TTC28: variants seen among roughly 807,000 people sequenced by gnomAD.
The protein encoded by TTC28 is tetratricopeptide repeat protein 28.
Under a neutral mutation model 198.0 loss-of-function variants are expected in TTC28, and 61 were observed. The ratio of observed to expected loss-of-function variants is 0.31; its 90% CI spans 0.25 to 0.38. The LOEUF is 0.38. TTC28 is among the 10% of genes least tolerant of loss of function. The probability of loss-of-function intolerance (pLI) is 1.00; values close to 1 mark genes in which losing one functional copy is unlikely to be tolerated. For synonymous variants in TTC28, 1,171 were observed against 1,297.8 expected (o/e 0.90, Z 2.10); for missense variants, 2,678 against 3,164.0 (o/e 0.85, Z 3.69).
intron 2 of TTC28, among the ~76,000 whole-genome samples, chr22:28,475,103 T>C (rs550173958): frequency 8.3e-5 from 11 of 131,878 alleles, no homozygotes; most frequent in African/African-American, 2.7e-4. Flanking sequence ...TGAGCCAAGA[T>C]TGTGCCACTG....
chr22:28,561,355 C>T (rs1012810533), intron 2 of TTC28, among the ~76,000 whole-genome samples: 3 of 152,252 alleles, frequency 2.0e-5, no homozygotes, highest in Middle Eastern at 3.4e-3. Context: ...GGATTACAGG[C>T]GTGAGACACC....
chr22:28,389,810 T>C (rs895372088), intron 2 of TTC28, among the ~76,000 whole-genome samples: 16 of 150,532 alleles, frequency 1.1e-4, no homozygotes, highest in Non-Finnish European at 2.2e-4. Context: ...GATTCATTAA[T>C]TTTTTGAAGG....
chr22:28,380,336 AACAG>A (rs1325770400), intron 2 of TTC28, among the ~76,000 whole-genome samples: 2 of 152,168 alleles, frequency 1.3e-5, no homozygotes, highest in African/African-American at 4.8e-5. Context: ...TAATAAGGGC[AACAG>A]ACAATGCTGG....
At chr22:28,262,370 G>C (rs1440269035) in intron 5 of TTC28, among the ~76,000 whole-genome samples, 1 of 152,110 alleles carries the variant, frequency 6.6e-6, no homozygotes, top group Non-Finnish European at 1.5e-5. Context: ...CTTTATGCAA[G>C]CAATAGTTCG....
At chr22:28,213,564 A>G (rs1362368121) in intron 5 of TTC28, among the ~76,000 whole-genome samples, 1 of 107,766 alleles carries the variant, frequency 9.3e-6, no homozygotes, top group Non-Finnish European at 1.9e-5. Flanking sequence ...TAGGAATCCA[A>G]CTTACAAGGG....
intron 6 of TTC28, among the ~76,000 whole-genome samples, chr22:28,120,887 A>G (rs1942766739): frequency 6.6e-6 from 1 of 152,174 alleles, no homozygotes; most frequent in Admixed American, 6.5e-5. Context: ...AAACTCTATG[A>G]TTGTGTGAAG....
At chr22:28,360,143 CT>C (rs2046136759) in intron 2 of TTC28, among the ~76,000 whole-genome samples, 1 of 152,092 alleles carries the variant, frequency 6.6e-6, no homozygotes, top group African/African-American at 2.4e-5. Context: ...CTCTCTCCTC[CT>C]TTTGTCTTTA....
intron 6 of TTC28, among the ~76,000 whole-genome samples, chr22:28,150,416 T>C (rs958960657): frequency 2.0e-5 from 3 of 152,190 alleles, no homozygotes; most frequent in African/African-American, 7.2e-5. Flanking sequence ...TCCAAATGTC[T>C]ACCTAAAAGA....
chr22:28,608,791 A>G (rs1295185859), intron 2 of TTC28, among the ~76,000 whole-genome samples: 2 of 152,164 alleles, frequency 1.3e-5, no homozygotes, highest in Non-Finnish European at 2.9e-5. Context: ...CATTTAAGGA[A>G]TCTCTATCAA....
intron 14 of TTC28, among the ~76,000 whole-genome samples, chr22:28,012,493 C>A (rs1006032844): frequency 3.3e-5 from 5 of 152,100 alleles, no homozygotes; most frequent in Non-Finnish European, 7.4e-5. Context: ...ACTGCTGCTG[C>A]TGCCTCAGGG....
At chr22:28,040,222 C>A (rs957156388) in intron 12 of TTC28, among the ~76,000 whole-genome samples, 1 of 152,176 alleles carries the variant, frequency 6.6e-6, no homozygotes, top group African/African-American at 2.4e-5. Context: ...AGGGAATCCT[C>A]CCTAACTCAT....
chr22:28,645,611 A>G (rs2051449548), intron 1 of TTC28, among the ~76,000 whole-genome samples: 1 of 149,726 alleles, frequency 6.7e-6, no homozygotes, highest in Non-Finnish European at 1.5e-5. Context: ...TGGGCAACAG[A>G]GCGAGACTAC....
chr22:28,355,198 A>G (rs2046057010), intron 2 of TTC28, among the ~76,000 whole-genome samples: 1 of 152,176 alleles, frequency 6.6e-6, no homozygotes, highest in Admixed American at 6.5e-5. Flanking sequence ...GATGATCCAC[A>G]GAGGTTAAAA....
intron 5 of TTC28, among the ~76,000 whole-genome samples, chr22:28,250,226 T>C (rs1427766367): frequency 1.3e-5 from 2 of 152,246 alleles, no homozygotes; most frequent in Non-Finnish European, 2.9e-5. Flanking sequence ...TTACTCACGC[T>C]GACCACTTCA....
intron 2 of TTC28, among the ~76,000 whole-genome samples, chr22:28,598,661 A>G (rs1445574508): frequency 6.6e-6 from 1 of 152,198 alleles, no homozygotes; most frequent in African/African-American, 2.4e-5. Context: ...ATATGGCAAC[A>G]ATTTATGTCA....
At chr22:28,349,647 C>T (rs927903494) in intron 2 of TTC28, among the ~76,000 whole-genome samples, 6 of 152,168 alleles carry the variant, frequency 3.9e-5, no homozygotes, top group African/African-American at 1.4e-4. Context: ...TTTCCTCTTA[C>T]ACAAAATAGA....
intron 1 of TTC28, among the ~76,000 whole-genome samples, chr22:28,679,250 C>T (rs1490629517): frequency 6.6e-6 from 1 of 152,218 alleles, no homozygotes. Flanking sequence ...CCTGTCTCAC[C>T]GCGGGTGCCG....
At chr22:28,309,216 CAG>C (rs1359400518) in intron 2 of TTC28, among the ~76,000 whole-genome samples, 1 of 152,130 alleles carries the variant, frequency 6.6e-6, no homozygotes, top group Non-Finnish European at 1.5e-5. Flanking sequence ...TATAGACTAA[CAG>C]AATACAAGAG....
chr22:28,163,616 A>G lies in TTC28; in HGVS notation c.934-17T>C. On this transcript the variant is annotated splice_polypyrimidine_tract_variant and intron_variant, in intron 5 of 22. Coordinates refer to ENST00000397906, the MANE Select transcript of TTC28 (RefSeq NM_001145418.2). ...TGAAGCTGCCTGGAGAGAAAAGGATAAAGTGGAGAAATGAAAACACATCAG... is the reference window on the plus strand; with the variant it reads ...TGAAGCTGCCTGGAGAGAAAAGGATGAAGTGGAGAAATGAAAACACATCAG... 3 of 1,498,650 alleles carry G rather than the reference A, an allele frequency of 2.0e-6. No individual in the cohort carries two copies. Among genetic ancestry groups the G allele is most frequent in the East Asian group, 2.5e-5 (1 of 40,516 alleles). The allele number at this position is 1,498,650 out of a possible 1,614,324, so 92.8% of individuals were successfully genotyped here.
Sources: allele counts gnomAD v4.1 joint callset (sites outside exome capture counted in the v4.1 genomes callset), GRCh38; gene constraint gnomAD v4.1.1; transcripts MANE v1.5; gene names NCBI Gene and HGNC (gene_info 2026-07-23, HGNC 2026-07-21).